The following MORC2 variants were observed in gnomAD, a reference collection of about 807,000 sequenced individuals.
The protein encoded by MORC2 is MORC family CW-type zinc finger 2.
MORC2 carries 30 observed loss-of-function variants against 136.0 expected under a neutral mutation model. The observed-to-expected ratio is 0.22, with a 90% confidence interval of 0.17 to 0.30. The LOEUF is 0.30. Among genes scored for constraint, MORC2 ranks in the 10% least tolerant of loss-of-function variants. The pLI is 1.00. For synonymous variants in MORC2, 439 were observed against 487.0 expected, an observed-to-expected ratio of 0.90 and a Z score of 1.30; for missense variants, 922 against 1,333.1, an observed-to-expected ratio of 0.69 and a Z score of 4.80.
intron 1 of MORC2, chr22:30,967,253 A>G (rs1033059798): frequency 2.0e-6 from 2 of 986,100 alleles, no homozygotes; most frequent in African/African-American, 3.5e-5. Context: ...TTTTGGGGAA[A>G]GACTATCTAA....
chr22:30,947,500 A>C (rs1279648639), intron 5 of MORC2, among the ~76,000 whole-genome samples: 1 of 152,172 alleles, frequency 6.6e-6, no homozygotes, highest in African/African-American at 2.4e-5. Context: ...GGAAAGCCTC[A>C]TTACTCTCTT....
Position 30,942,241 on chromosome 22 carries a change from G to A in MORC2, c.457C>T (p.Arg153Trp), listed in dbSNP as rs774502307. 8 of 1,612,938 alleles carry A rather than the reference G, an allele frequency of 5.0e-6. No homozygotes were observed. The highest frequency in any genetic ancestry group is 2.7e-5 in the African/African-American group (2 of 74,894). Residue 153 changes from arginine (R) to tryptophan (W), a missense_variant, in exon 7 of 26, where the codon CGG (arginine) becomes TGG (tryptophan). Coordinates refer to ENST00000397641, the MANE Select transcript of MORC2 (RefSeq NM_001303256.3). The part of the protein sequence containing the change: ...VIVPLPTWNA[R>W]TREPVTDNVE... ...TTGTCTGTGACAGGTTCCCGGGTCC[G>A]AGCATTCCAGGTGGGCAGTGGGACT...
intron 25 of MORC2, 91 bp downstream of exon 25, chr22:30,927,928 A>C: frequency 6.8e-7 from 1 of 1,476,136 alleles, no homozygotes; most frequent in Non-Finnish European, 9.3e-7. Context: ...CTGTGAGTGG[A>C]TAGATTCTTG....
intron 16 of MORC2, 122 bp downstream of exon 16, chr22:30,936,810 T>C: frequency 1.5e-6 from 2 of 1,293,888 alleles, no homozygotes; most frequent in Non-Finnish European, 2.2e-6. Flanking sequence ...TATTTTTATT[T>C]CTTGGGCAGT....
At chr22:30,950,338 C>CGGGGGGCG in intron 4 of MORC2, 39 bp downstream of exon 4, 1 of 695,192 alleles carries the variant, frequency 1.4e-6, no homozygotes, top group Non-Finnish European at 2.6e-6. Flanking sequence ...GGTTACATCG[C>CGGGGGGCG]ACCCCCCCAC....
At chr22:30,962,224 A>G (rs2041058042) in intron 1 of MORC2, among the ~76,000 whole-genome samples, 1 of 151,512 alleles carries the variant, frequency 6.6e-6, no homozygotes, top group Non-Finnish European at 1.5e-5. Context: ...AAAAAAAGAA[A>G]GAAAGAAAGA....
chr22:30,957,040 TA>T (rs1489059763), intron 2 of MORC2, among the ~76,000 whole-genome samples: 2 of 152,252 alleles, frequency 1.3e-5, no homozygotes, highest in East Asian at 1.9e-4. Context: ...GGGGCCTGGA[TA>T]TTTTTTTTAA....
chr22:30,959,159 G>A lies in MORC2; in HGVS notation c.69-465C>T, dbSNP rs577173123. On this transcript the variant is annotated intron_variant, in intron 1 of 25. Transcript: ENST00000397641. ...AGACAGGTTCTCATTCTTGTCACTC[G>A]GACTGGAGTATAGTAAGTTTTGAAT... 2.1e-4 allele frequency among the ~76,000 whole-genome samples: 32 copies of A among 152,092 alleles called. 1 individual carries two copies. In the South Asian group the frequency reaches 4.8e-3, roughly 23 times the overall value.
chr22:30,957,573 G>A (rs5997822), intron 2 of MORC2, among the ~76,000 whole-genome samples: 1 of 152,158 alleles, frequency 6.6e-6, no homozygotes, highest in East Asian at 1.9e-4. Context: ...GTATACACAA[G>A]TAGGAATACA....
chr22:30,962,451 C>A (rs1407538770), intron 1 of MORC2, among the ~76,000 whole-genome samples: 3 of 151,590 alleles, frequency 2.0e-5, no homozygotes, highest in Non-Finnish European at 4.4e-5. Context: ...ATAAATAAGC[C>A]AGGTGTGGTG....
chr22:30,947,390 G>T (rs543610438), intron 5 of MORC2, among the ~76,000 whole-genome samples: 15 of 152,236 alleles, frequency 9.9e-5, no homozygotes, highest in Non-Finnish European at 1.6e-4. Context: ...ACCGCCCTCT[G>T]AACAATGGGG....
chr22:30,941,332 C>T lies in MORC2; in HGVS notation c.824+101G>A. The T allele has an allele frequency of 6.7e-7, 1 of 1,499,368 alleles. No homozygotes were observed. The highest frequency in any genetic ancestry group is 1.4e-5 in the African/African-American group (1 of 72,100). The allele number at this position is 1,499,368 out of a possible 1,614,324, so 92.9% of individuals were successfully genotyped here. A position where few individuals can be genotyped will look rare whatever the true frequency, so the allele number is the denominator to read the frequency against. On this transcript the variant is annotated intron_variant, in intron 9 of 25. Coordinates refer to ENST00000397641, the MANE Select transcript of MORC2 (RefSeq NM_001303256.3). The surrounding 1 kb of genome is among the most constrained non-coding windows in gnomAD (Gnocchi z 4.6). Reference sequence around the variant, plus strand: ...AAAGTCCCAAACGTAGTCAGCACTGCCAGAGCCTCTTATACAGCATCCCTC... The same window carrying T: ...AAAGTCCCAAACGTAGTCAGCACTGTCAGAGCCTCTTATACAGCATCCCTC...
Position 30,936,922 on chromosome 22 carries a change from A to G in MORC2, c.1604+10T>C, listed in dbSNP as rs780217216. ...GTACCCACAATCCCCTTGTTAGACA[A>G]TGTGCTCACCGGTCCTGTTCAGGAT... is the stretch of plus-strand genomic sequence containing the variant. On this transcript the variant is annotated intron_variant, in intron 16 of 25. Transcript: ENST00000397641. The G allele has an allele frequency of 1.2e-5, 20 of 1,609,080 alleles. 1 individual carries two copies. The highest frequency in any genetic ancestry group is 1.7e-5 in the Non-Finnish European group (20 of 1,175,524).
At chr22:30,931,337 G>T (rs1007596047) in intron 24 of MORC2, among the ~76,000 whole-genome samples, 1 of 152,208 alleles carries the variant, frequency 6.6e-6, no homozygotes, top group Non-Finnish European at 1.5e-5. Context: ...TATAATGGCA[G>T]AGTTGCCACA....
rs755261544 is a variant in MORC2 at position 30,940,952 on chromosome 22, C to T, written c.825-115G>A. ...CCTCCCAAGCTGTGCTGTCCTGGCC[C>T]CTCATGATGAGACAAATCCAAGCTC... On this transcript the variant is annotated intron_variant, in intron 9 of 25. Transcript: ENST00000397641. 1.4e-5 allele frequency: 12 copies of T among 871,038 alleles called. No individual in the cohort carries two copies. The African/African-American group carries it at 1.7e-4, about 12-fold the overall frequency. The allele number at this position is 871,038 out of a possible 1,614,324, so 54.0% of individuals were successfully genotyped here. A position where few individuals can be genotyped will look rare whatever the true frequency, so the allele number is the denominator to read the frequency against.
Position 30,932,984 on chromosome 22 carries a change from C to T in MORC2, c.2427G>A (p.Thr809=), listed in dbSNP as rs1329098333. The change falls in exon 22 of 26, where the codon ACG becomes ACA. Residue 809 remains threonine, a synonymous_variant. Coordinates refer to ENST00000397641, the MANE Select transcript of MORC2 (RefSeq NM_001303256.3). The surrounding 1 kb of genome is among the most constrained non-coding windows in gnomAD (Gnocchi z 4.4). Reference sequence around the variant, plus strand: ...CCACCTCCACGGCTGTGACACGGCCCGTGTACCACTCCCTGTTCACACGCA... The same window carrying T: ...CCACCTCCACGGCTGTGACACGGCCTGTGTACCACTCCCTGTTCACACGCA... ...VEVRVNREWY[T]GRVTAVEVGK... 9 of 1,614,170 alleles carry T rather than the reference C, an allele frequency of 5.6e-6. No homozygotes were observed. Among genetic ancestry groups the T allele is most frequent in the Middle Eastern group, 1.6e-4 (1 of 6,062 alleles).
chr22:30,934,641 C>CT lies in MORC2; in HGVS notation c.2193+139dup. On this transcript the variant is annotated intron_variant, in intron 19 of 25. Coordinates refer to ENST00000397641, the MANE Select transcript of MORC2 (RefSeq NM_001303256.3). This position sits in a 1 kb window ranked among gnomAD's most constrained non-coding sequence, Gnocchi z 4.4. ...CAACAAGTCCGTTCAGCTATCAAGGCTTCCCGTCCTCAGGGGCAGCAGCAA... is the reference window on the plus strand; with the variant it reads ...CAACAAGTCCGTTCAGCTATCAAGGCTTTCCCGTCCTCAGGGGCAGCAGCAA... 1 of 1,252,864 alleles carries CT rather than the reference C, an allele frequency of 8.0e-7. No homozygotes were observed. Among genetic ancestry groups the CT allele is most frequent in the Non-Finnish European group, 1.1e-6 (1 of 903,556 alleles). 77.6% of individuals were successfully genotyped at this position (1,252,864 alleles called of 1,614,324 possible). A position where few individuals can be genotyped will look rare whatever the true frequency, so the allele number is the denominator to read the frequency against.
intron 4 of MORC2, 40 bp downstream of exon 4, chr22:30,950,337 G>GCGGGGGGGCCCCCCCC: frequency 1.3e-6 from 1 of 761,760 alleles, no homozygotes; most frequent in Non-Finnish European, 2.3e-6. Context: ...TGGTTACATC[G>GCGGGGGGGCCCCCCCC]CACCCCCCCA....
chr22:30,934,340 C>A lies in MORC2; in HGVS notation c.2194-149G>T. On this transcript the variant is annotated intron_variant, in intron 19 of 25. Transcript: ENST00000397641. The surrounding 1 kb of genome is among the most constrained non-coding windows in gnomAD (Gnocchi z 4.4). ...ATTACTTGGAATGTACACAGGCAAC[C>A]CACTGGCCCCTGCGCCATAAGGATT... is the stretch of plus-strand genomic sequence containing the variant. 1 of 1,148,364 alleles carries A rather than the reference C, an allele frequency of 8.7e-7. No homozygotes were observed. The highest frequency in any genetic ancestry group is 1.2e-6 in the Non-Finnish European group (1 of 826,808). The allele number at this position is 1,148,364 out of a possible 1,614,324, so 71.1% of individuals were successfully genotyped here.
Sources: gnomAD v4.1 joint callset for allele counts (sites outside exome capture counted in the v4.1 genomes callset) on GRCh38, gnomAD v4.1.1 for gene constraint, Gnocchi (gnomAD v3.1) non-coding constraint, MANE v1.5 for transcripts, NCBI Gene and HGNC (gene_info 2026-07-23, HGNC 2026-07-21) for gene names.